Variants in TMTC2 observed in about 807,000 individuals in gnomAD.
The protein encoded by TMTC2 is protein O-mannosyl-transferase TMTC2.
TMTC2 carries 43 observed loss-of-function variants against 82.4 expected under a neutral mutation model. The observed-to-expected ratio is 0.52, with a 90% CI of 0.41 to 0.67. The LOEUF (loss-of-function observed/expected upper bound fraction) is 0.67. TMTC2 is among the 30% of genes least tolerant of loss of function. The pLI is 0.00. For missense variants in TMTC2, 919 were observed against 1,012.4 expected (o/e 0.91, Z 1.25); for synonymous variants, 408 against 381.9 (o/e 1.07, Z -0.80).
intron 1 of TMTC2, among the ~76,000 whole-genome samples, chr12:82,840,031 C>T (rs982745877): frequency 5.9e-5 from 9 of 152,118 alleles, no homozygotes; most frequent in African/African-American, 2.2e-4. Flanking sequence ...ATAAATGATA[C>T]CAGTAACTGC....
intron 1 of TMTC2, among the ~76,000 whole-genome samples, chr12:82,847,892 C>G (rs933311349): frequency 6.6e-6 from 1 of 151,916 alleles, no homozygotes; most frequent in Admixed American, 6.6e-5. Flanking sequence ...ACATGTATAC[C>G]TATGTATCAA....
intron 3 of TMTC2, among the ~76,000 whole-genome samples, chr12:82,925,939 A>G (rs775222177): frequency 2.0e-4 from 30 of 152,170 alleles, no homozygotes; most frequent in Non-Finnish European, 4.3e-4. Context: ...CACGAATGAT[A>G]AGAAAGTGGA....
intron 4 of TMTC2, among the ~76,000 whole-genome samples, chr12:82,948,248 C>G (rs151164626): frequency 3.3e-5 from 5 of 151,982 alleles, no homozygotes; most frequent in Non-Finnish European, 7.4e-5. Context: ...GCCGATAGTC[C>G]CAGCTACTTA....
At chr12:82,925,678 G>C (rs955385844) in intron 3 of TMTC2, among the ~76,000 whole-genome samples, 1 of 152,130 alleles carries the variant, frequency 6.6e-6, no homozygotes, top group Non-Finnish European at 1.5e-5. Context: ...TGTGATGTCT[G>C]ATGTTAACAT....
chr12:82,743,691 C>G (rs1875534592), intron 1 of TMTC2, among the ~76,000 whole-genome samples: 1 of 151,992 alleles, frequency 6.6e-6, no homozygotes, highest in African/African-American at 2.4e-5. Flanking sequence ...TCTTCCTCCA[C>G]TTTGGTTATT....
chr12:82,915,783 G>C (rs1406999294), intron 3 of TMTC2, among the ~76,000 whole-genome samples: 6 of 152,200 alleles, frequency 3.9e-5, no homozygotes, highest in Non-Finnish European at 7.3e-5. Context: ...CAAGCTGTAA[G>C]GGCTGCTTGG....
At chr12:82,929,486 G>A (rs1875907114) in intron 3 of TMTC2, among the ~76,000 whole-genome samples, 1 of 152,186 alleles carries the variant, frequency 6.6e-6, no homozygotes, top group Non-Finnish European at 1.5e-5. Context: ...GAGGCACACA[G>A]GCAAATCTGA....
chr12:82,836,777 A>G (rs1242345718), intron 1 of TMTC2, among the ~76,000 whole-genome samples: 1 of 152,228 alleles, frequency 6.6e-6, no homozygotes, highest in Non-Finnish European at 1.5e-5. Flanking sequence ...GCTAATAATT[A>G]AAATTATCTA....
intron 3 of TMTC2, among the ~76,000 whole-genome samples, chr12:82,903,322 C>G (rs1322479322): frequency 6.6e-6 from 1 of 152,168 alleles, no homozygotes; most frequent in African/African-American, 2.4e-5. Context: ...ACTATATTTT[C>G]TATAATTATG....
intron 5 of TMTC2, 69 bp from the exon 6 acceptor site, chr12:82,965,491 A>G: frequency 6.4e-7 from 1 of 1,550,522 alleles, no homozygotes; most frequent in South Asian, 1.2e-5. Flanking sequence ...AAATTGAAAC[A>G]AAGAAAACTT....
chr12:82,782,405 G>C (rs1331186956), intron 1 of TMTC2, among the ~76,000 whole-genome samples: 2 of 152,126 alleles, frequency 1.3e-5, no homozygotes, highest in Non-Finnish European at 2.9e-5. Flanking sequence ...ATTGATTACA[G>C]GCTTTATTCA....
intron 3 of TMTC2, among the ~76,000 whole-genome samples, chr12:82,922,385 G>C (rs1323875494): frequency 6.6e-6 from 1 of 152,120 alleles, no homozygotes; most frequent in Non-Finnish European, 1.5e-5. Context: ...AAGGTTAAGT[G>C]TATGTTAAAA....
intron 11 of TMTC2, among the ~76,000 whole-genome samples, chr12:83,115,804 T>C (rs947989669): frequency 1.3e-5 from 2 of 152,128 alleles, no homozygotes; most frequent in Non-Finnish European, 2.9e-5. Context: ...TTGTTGTTGT[T>C]GTTTGAGACA....
intron 1 of TMTC2, among the ~76,000 whole-genome samples, chr12:82,721,544 G>A (rs2136927062): frequency 6.6e-6 from 1 of 152,220 alleles, no homozygotes; most frequent in Middle Eastern, 3.4e-3. Flanking sequence ...CCATTATGCA[G>A]TGAACCTATT....
At chr12:82,808,849 G>C (rs1316148526) in intron 1 of TMTC2, among the ~76,000 whole-genome samples, 1 of 151,706 alleles carries the variant, frequency 6.6e-6, no homozygotes, top group African/African-American at 2.4e-5. Context: ...TCTATAATCA[G>C]CCTTTTGTTT....
chr12:82,862,046 A>G (rs1443471658), intron 2 of TMTC2, among the ~76,000 whole-genome samples: 1 of 152,190 alleles, frequency 6.6e-6, no homozygotes, highest in East Asian at 1.9e-4. Flanking sequence ...TAGGGTTGGA[A>G]GACATGTATG....
intron 1 of TMTC2, among the ~76,000 whole-genome samples, chr12:82,764,686 C>T (rs1039356760): frequency 7.2e-5 from 11 of 152,048 alleles, no homozygotes; most frequent in South Asian, 2.1e-4. Flanking sequence ...GACACCACGC[C>T]GGGGAGACAG....
At chr12:82,918,412 C>A (rs1054222243) in intron 3 of TMTC2, among the ~76,000 whole-genome samples, 2 of 152,128 alleles carry the variant, frequency 1.3e-5, no homozygotes, top group Non-Finnish European at 2.9e-5. Flanking sequence ...TAGGATTTAT[C>A]CCCTTTTTAA....
chr12:83,080,216 A>T (rs1883415822), intron 11 of TMTC2, among the ~76,000 whole-genome samples: 1 of 152,172 alleles, frequency 6.6e-6, no homozygotes, highest in African/African-American at 2.4e-5. Flanking sequence ...ATTACACTTG[A>T]ATTTGTATAA....
Sources: gnomAD v4.1 joint callset for allele counts (sites outside exome capture counted in the v4.1 genomes callset) on GRCh38, gnomAD v4.1.1 for gene constraint, MANE v1.5 for transcripts, NCBI Gene and HGNC (gene_info 2026-07-23, HGNC 2026-07-21) for gene names.